SNTG1: variants seen among roughly 807,000 people sequenced by gnomAD.
SNTG1 encodes the protein syntrophin gamma 1.
SNTG1 carries 39 observed loss-of-function variants against 74.7 expected under a neutral mutation model. The observed-to-expected ratio is 0.52, with a 90% CI of 0.40 to 0.68. The LOEUF (loss-of-function observed/expected upper bound fraction) is 0.68, where lower values mean the gene tolerates loss of function less well. Among genes scored for constraint, SNTG1 ranks in the 30% least tolerant of loss-of-function variants. The pLI is 0.00. For synonymous variants in SNTG1, 254 were observed against 217.1 expected, an observed-to-expected ratio of 1.17 and a Z score of -1.49; for missense variants, 685 against 609.5, an observed-to-expected ratio of 1.12 and a Z score of -1.30.
intron 2 of SNTG1, among the ~76,000 whole-genome samples, chr8:50,344,892 T>C (rs921424188): frequency 2.6e-5 from 4 of 151,976 alleles, no homozygotes; most frequent in African/African-American, 9.7e-5. Context: ...TTAAATGAGG[T>C]TCTTAAAGTG....
chr8:50,621,156 T>C (rs1404645549), intron 13 of SNTG1, among the ~76,000 whole-genome samples: 3 of 152,070 alleles, frequency 2.0e-5, no homozygotes, highest in East Asian at 3.9e-4. Flanking sequence ...TGTTTTTTAC[T>C]CTATTTTTCT....
chr8:50,445,437 C>G (rs934625405), intron 5 of SNTG1, among the ~76,000 whole-genome samples: 5 of 152,142 alleles, frequency 3.3e-5, no homozygotes, highest in Admixed American at 1.3e-4. Context: ...GAAAAGATTA[C>G]TTGGCAAGAC....
intron 15 of SNTG1, among the ~76,000 whole-genome samples, chr8:50,693,250 C>A (rs1302516993): frequency 1.3e-5 from 2 of 152,148 alleles, no homozygotes; most frequent in African/African-American, 4.8e-5. Flanking sequence ...CAGTGCAGGG[C>A]ACCCACTGTC....
At chr8:50,709,436 A>G (rs1452792807) in intron 17 of SNTG1, among the ~76,000 whole-genome samples, 2 of 152,132 alleles carry the variant, frequency 1.3e-5, no homozygotes, top group African/African-American at 4.8e-5. Flanking sequence ...GAAAATTTAA[A>G]GTTTAGTTTC....
intron 2 of SNTG1, among the ~76,000 whole-genome samples, chr8:50,370,270 T>C (rs373055699): frequency 7.2e-5 from 11 of 152,260 alleles, no homozygotes; most frequent in African/African-American, 2.6e-4. Flanking sequence ...CTGAGATTGT[T>C]AAAAATCAGG....
chr8:50,091,022 C>G (rs2079714096), intron 1 of SNTG1, among the ~76,000 whole-genome samples: 1 of 151,896 alleles, frequency 6.6e-6, no homozygotes, highest in African/African-American at 2.4e-5. Context: ...TCTTAATGGA[C>G]CAAAAATATG....
intron 1 of SNTG1, among the ~76,000 whole-genome samples, chr8:50,171,380 G>C (rs186842213): frequency 5.8e-4 from 88 of 152,206 alleles, no homozygotes; most frequent in Non-Finnish European, 1.0e-3. Flanking sequence ...ATGTTCAAGC[G>C]CAGGAAGCAT....
rs190975502 is a variant in SNTG1, at chr8:49,930,529, G to A, written c.-103+18298G>A. On this transcript the variant is annotated intron_variant, in intron 1 of 18. Coordinates refer to ENST00000642720, the MANE Select transcript of SNTG1 (RefSeq NM_018967.5). ...TATGTGTGTATATATATATGTGTGT[G>A]TAGCATATGTACATATTATACATAT... Among the ~76,000 whole-genome samples, 629 of 151,644 alleles carry A rather than the reference G, an allele frequency of 4.1e-3. 3 individuals carry two copies. The highest frequency in any genetic ancestry group is 0.014 in the African/African-American group (599 of 41,366).
chr8:50,622,459 G>A (rs952874745), intron 13 of SNTG1, among the ~76,000 whole-genome samples: 3 of 152,086 alleles, frequency 2.0e-5, no homozygotes, highest in Non-Finnish European at 4.4e-5. Flanking sequence ...AGGGAAAATA[G>A]TGTTTGAATG....
chr8:49,921,917 G>A, intron 1 of SNTG1, among the ~76,000 whole-genome samples: 1 of 152,102 alleles, frequency 6.6e-6, no homozygotes, highest in Non-Finnish European at 1.5e-5. Context: ...AGGTAGTGTT[G>A]ACTTTACTTG....
chr8:50,632,990 C>T (rs973020885), intron 13 of SNTG1, among the ~76,000 whole-genome samples: 2 of 152,152 alleles, frequency 1.3e-5, no homozygotes, highest in Admixed American at 6.5e-5. Flanking sequence ...AACAATTTGT[C>T]AGTGCGGCTG....
chr8:50,036,255 A>C (rs1219989953), intron 1 of SNTG1, among the ~76,000 whole-genome samples: 1 of 152,232 alleles, frequency 6.6e-6, no homozygotes, highest in Non-Finnish European at 1.5e-5. Flanking sequence ...ACACCATTTT[A>C]TTGATAAGAA....
intron 11 of SNTG1, among the ~76,000 whole-genome samples, chr8:50,539,442 G>C (rs2094330737): frequency 6.6e-6 from 1 of 152,032 alleles, no homozygotes; most frequent in African/African-American, 2.4e-5. Context: ...CATATTTCTT[G>C]GTTACTAAAG....
intron 1 of SNTG1, among the ~76,000 whole-genome samples, chr8:50,102,977 T>A (rs2080205691): frequency 6.6e-6 from 1 of 151,526 alleles, no homozygotes; most frequent in Non-Finnish European, 1.5e-5. Flanking sequence ...GTAGTATAGT[T>A]TGAAGTCAGG....
intron 1 of SNTG1, among the ~76,000 whole-genome samples, chr8:50,034,609 A>G (rs1412937556): frequency 6.6e-6 from 1 of 152,122 alleles, no homozygotes; most frequent in Admixed American, 6.5e-5. Context: ...CAACCTGGAG[A>G]GTCTAGTGCA....
At chr8:49,938,936 C>T (rs1808426155) in intron 1 of SNTG1, among the ~76,000 whole-genome samples, 1 of 151,948 alleles carries the variant, frequency 6.6e-6, no homozygotes, top group Non-Finnish European at 1.5e-5. Context: ...TAGTATTCCA[C>T]AGTGGTGCCC....
chr8:50,742,373 A>C (rs2131667218), intron 17 of SNTG1, among the ~76,000 whole-genome samples: 1 of 152,122 alleles, frequency 6.6e-6, no homozygotes, highest in South Asian at 2.1e-4. Flanking sequence ...CAGAAGAAAC[A>C]CTGGACAATC....
chr8:50,146,529 C>T (rs1337101252), intron 1 of SNTG1, among the ~76,000 whole-genome samples: 1 of 150,896 alleles, frequency 6.6e-6, no homozygotes, highest in East Asian at 1.9e-4. Context: ...AAAACAAAAA[C>T]AAAAACACAA....
intron 12 of SNTG1, among the ~76,000 whole-genome samples, chr8:50,583,714 CTTT>C (rs113770321): frequency 7.0e-6 from 1 of 143,620 alleles, no homozygotes. Flanking sequence ...AAATGCTGAG[CTTT>C]TTTTTTTTTT....
Sources: allele counts gnomAD v4.1 joint callset (sites outside exome capture counted in the v4.1 genomes callset), GRCh38; gene constraint gnomAD v4.1.1; transcripts MANE v1.5; gene names NCBI Gene and HGNC (gene_info 2026-07-23, HGNC 2026-07-21).